Variants in RAPGEF1 observed in about 807,000 individuals in gnomAD.
RAPGEF1 encodes the protein CRK SH3-binding GNRP.
In RAPGEF1, 33 loss-of-function variants were observed where a neutral mutation model predicts 143.3. That is an observed-to-expected ratio of 0.23 (90% CI 0.17 to 0.31). The LOEUF (loss-of-function observed/expected upper bound fraction) is 0.31, where lower values mean the gene tolerates loss of function less well. RAPGEF1 is among the 10% of genes least tolerant of loss of function. The pLI, the probability that RAPGEF1 is intolerant of heterozygous loss-of-function variation, is 1.00. For missense variants in RAPGEF1, 1,199 were observed against 1,645.4 expected (o/e 0.73, Z 4.69); for synonymous variants, 629 against 676.5 (o/e 0.93, Z 1.09).
intron 1 of RAPGEF1, among the ~76,000 whole-genome samples, chr9:131,680,567 CGAACAATAGCA>C (rs1398447914): frequency 6.6e-6 from 1 of 152,228 alleles, no homozygotes; most frequent in African/African-American, 2.4e-5. Context: ...TCTTAAGCCA[CGAACAATAGCA>C]TGAGAGATCT....
chr9:131,591,112 G>A (rs1213292535), intron 18 of RAPGEF1, among the ~76,000 whole-genome samples: 6 of 152,274 alleles, frequency 3.9e-5, no homozygotes, highest in Admixed American at 3.9e-4. Context: ...AGTCAGGCCT[G>A]TGAGCAGGTG....
intron 16 of RAPGEF1, among the ~76,000 whole-genome samples, chr9:131,597,495 G>A (rs1472498572): frequency 1.3e-5 from 2 of 152,210 alleles, no homozygotes; most frequent in African/African-American, 2.4e-5. Flanking sequence ...TTTTGTCCAT[G>A]TGTCATCAAA....
At position 131,626,040 on chromosome 9, in the gene RAPGEF1, C is replaced by A. The variant is rs200917154; in HGVS notation, c.1584G>T (p.Leu528=). The A allele has an allele frequency of 4.3e-6, 7 of 1,613,052 alleles. No individual in the cohort carries two copies. The highest frequency in any genetic ancestry group is 2.2e-5 in the East Asian group (1 of 44,858). Residue 528 remains leucine, a synonymous_variant, in exon 10 of 27, where the codon CTG becomes CTT. Coordinates refer to ENST00000683357, the MANE Select transcript of RAPGEF1 (RefSeq NM_001377935.1). Reference sequence around the variant, plus strand: ...CTGAGGAACCTCCATGCTGAAAGGGCAGAATAGCAGCAAAGGGCGCGTAGG... The same window carrying A: ...CTGAGGAACCTCCATGCTGAAAGGGAAGAATAGCAGCAAAGGGCGCGTAGG... The part of the protein sequence containing the change: ...SVPYAPFAAI[L]PFQHGGSSAP...
chr9:131,584,324 T>C lies in RAPGEF1; in HGVS notation c.3401A>G (p.Lys1134Arg). 6.2e-7 allele frequency: 1 copy of C among 1,612,104 alleles called. No individual in the cohort carries two copies. Among genetic ancestry groups the C allele is most frequent in the South Asian group, 1.1e-5 (1 of 90,762 alleles). The stretch of plus-strand genomic sequence containing the variant: ...AAGGCCACTCACCTCTGAAGTCTGC[T>C]TCTGCCACTCCAGCCTGCGGATGGG... ...SAPIRRLEWQKQTSEGLAEYC... is the reference protein window; with the variant it reads ...SAPIRRLEWQRQTSEGLAEYC... Residue 1134 changes from lysine (K) to arginine (R), a missense_variant, in exon 24 of 27, where the codon AAG becomes AGG. By Grantham distance (26) the Lys-to-Arg change is conservative. Around this residue, in one of 6 missense-constraint regions of RAPGEF1, gnomAD observed 209 missense variants for 403.0 expected, o/e 0.52. Coordinates refer to ENST00000683357, the MANE Select transcript of RAPGEF1 (RefSeq NM_001377935.1). The surrounding 1 kb of genome is among the most constrained non-coding windows in gnomAD (Gnocchi z 6.8).
chr9:131,706,474 G>C (rs1835070878), intron 1 of RAPGEF1, among the ~76,000 whole-genome samples: 1 of 151,886 alleles, frequency 6.6e-6, no homozygotes, highest in Non-Finnish European at 1.5e-5. Flanking sequence ...ATGCTGCCCA[G>C]GTTGGTCTTG....
In RAPGEF1 at chr9:131,579,560, C is replaced by T. The variant is rs376615770; in HGVS notation, c.3729G>A (p.Leu1243=). The T allele has an allele frequency of 6.2e-7, 1 of 1,613,926 alleles. No individual in the cohort carries two copies. Among genetic ancestry groups the T allele is most frequent in the Admixed American group, 1.7e-5 (1 of 60,008 alleles). Residue 1243 remains leucine, a synonymous_variant, in exon 27 of 27, where the codon CTG becomes CTA. Coordinates refer to ENST00000683357, the MANE Select transcript of RAPGEF1 (RefSeq NM_001377935.1). ...TGTTCCTGGGTTTAATTTTCAGAGA[C>T]AGTTCCCATAGGGCCTCCTCAGCCA... ...DHLAEEALWE[L]SLKIKPRNIT...
rs1360038387 is a variant in RAPGEF1 at position 131,605,863 on chromosome 9, C to T, written c.2062-675G>A. On this transcript the variant is annotated intron_variant, in intron 12 of 26. Coordinates refer to ENST00000683357, the MANE Select transcript of RAPGEF1 (RefSeq NM_001377935.1). ...CCAAGGCAGGTGGATTGCTTGAGCC[C>T]AGGAGTTTGAGGCCAGCCTGGGCAA... 4.0e-5 allele frequency among the ~76,000 whole-genome samples: 6 copies of T among 151,596 alleles called. No homozygotes were observed. In the East Asian group the frequency reaches 9.6e-4, roughly 24 times the overall value.
At chr9:131,703,382 A>G (rs1834810442) in intron 1 of RAPGEF1, among the ~76,000 whole-genome samples, 1 of 152,178 alleles carries the variant, frequency 6.6e-6, no homozygotes, top group African/African-American at 2.4e-5. Context: ...TTTCTTTAAT[A>G]ATGTAACATC....
At chr9:131,705,727 A>T (rs528178257) in intron 1 of RAPGEF1, among the ~76,000 whole-genome samples, 51 of 152,330 alleles carry the variant, frequency 3.3e-4, no homozygotes, top group Admixed American at 2.3e-3. Context: ...TAAGTCAGAC[A>T]GTATAATGGT....
chr9:131,649,599 G>C lies in RAPGEF1; in HGVS notation c.315+530C>G, dbSNP rs55739432. ...TTTCACACATCAGGGTTGCTATGAA[G>C]ACAAGTAAGAGGACACATGTAAAGC... On this transcript the variant is annotated intron_variant, in intron 3 of 26. Coordinates refer to ENST00000683357, the MANE Select transcript of RAPGEF1 (RefSeq NM_001377935.1). Among the ~76,000 whole-genome samples, 529 of 152,216 alleles carry C rather than the reference G, an allele frequency of 3.5e-3. 1 individual carries two copies. Among genetic ancestry groups the C allele is most frequent in the African/African-American group, 0.012 (510 of 41,518 alleles).
In RAPGEF1 at chr9:131,639,593, A is replaced by G. The variant is rs535374043; in HGVS notation, c.495-802T>C. Among the ~76,000 whole-genome samples the G allele has an allele frequency of 7.2e-5, 11 of 152,282 alleles. No individual in the cohort carries two copies. In the South Asian group the frequency reaches 2.1e-3, roughly 29 times the overall value. Reference sequence around the variant, plus strand: ...TTTTACATCTTTCACGTATTTTTAAATAACTAAAGATAATTTTCCCTAGGA... The same window carrying G: ...TTTTACATCTTTCACGTATTTTTAAGTAACTAAAGATAATTTTCCCTAGGA... On this transcript the variant is annotated intron_variant, in intron 4 of 26. Transcript: ENST00000683357.
intron 1 of RAPGEF1, among the ~76,000 whole-genome samples, chr9:131,708,459 T>C (rs1166129356): frequency 6.6e-6 from 1 of 152,204 alleles, no homozygotes; most frequent in Non-Finnish European, 1.5e-5. Flanking sequence ...ACCACTGCAC[T>C]GCTCTGTGGC....
At chr9:131,660,140 C>T (rs1973634633) in intron 1 of RAPGEF1, among the ~76,000 whole-genome samples, 1 of 152,170 alleles carries the variant, frequency 6.6e-6, no homozygotes, top group Non-Finnish European at 1.5e-5. Context: ...TTTCTAACAA[C>T]TTTAACATGG....
chr9:131,679,415 A>C (rs1347282499), intron 1 of RAPGEF1, among the ~76,000 whole-genome samples: 2 of 152,212 alleles, frequency 1.3e-5, no homozygotes, highest in African/African-American at 2.4e-5. Context: ...CCTGATGGGA[A>C]GAAAAAGGGA....
chr9:131,585,683 T>A lies in RAPGEF1; in HGVS notation c.3234-1087A>T, dbSNP rs940661164. On this transcript the variant is annotated intron_variant, in intron 22 of 26. Transcript: ENST00000683357. The stretch of plus-strand genomic sequence containing the variant: ...TGGAGTGCTTCTGTGGGGAGGAAGA[T>A]AGGCAAACGGGAGATGATCTCGGGG... Among the ~76,000 whole-genome samples the A allele has an allele frequency of 3.3e-5, 5 of 151,896 alleles. No individual in the cohort carries two copies. The East Asian group carries it at 9.7e-4, about 30-fold the overall frequency.
chr9:131,579,299 G>C lies in RAPGEF1; in HGVS notation c.*198C>G. On this transcript the variant is annotated 3_prime_UTR_variant, in exon 27 of 27. Coordinates refer to ENST00000683357, the MANE Select transcript of RAPGEF1 (RefSeq NM_001377935.1). ...GCCTGCTGGCTGCCCTGAGGCCCAC[G>C]GGTCTGCTCCCACAGAGGAAGGAGG... The C allele has an allele frequency of 1.5e-6, 1 of 676,732 alleles. No homozygotes were observed. Among genetic ancestry groups the C allele is most frequent in the South Asian group, 2.0e-5 (1 of 49,486 alleles). The allele number at this position is 676,732 out of a possible 1,614,324, so 41.9% of individuals were successfully genotyped here. A position where few individuals can be genotyped will look rare whatever the true frequency, so the allele number is the denominator to read the frequency against.
intron 20 of RAPGEF1, 95 bp downstream of exon 20, chr9:131,588,706 C>G: frequency 1.5e-6 from 2 of 1,322,682 alleles, no homozygotes; most frequent in Admixed American, 5.0e-5. Flanking sequence ...TGTGCAGAAC[C>G]AGGATGGGGC....
In RAPGEF1 at chr9:131,637,950, A is replaced by C. The variant is rs573140840; in HGVS notation, c.651+685T>G. Among the ~76,000 whole-genome samples, 106 of 152,324 alleles carry C rather than the reference A, an allele frequency of 7.0e-4. 2 individuals are homozygous for C. The South Asian group carries it at 0.022, about 31-fold the overall frequency. On this transcript the variant is annotated intron_variant, in intron 5 of 26. Transcript: ENST00000683357. ...ACTACATTATATGGCCTCACACAAC[A>C]GCGGGGTTTCCACTGTCCTGCTGCC... is the stretch of plus-strand genomic sequence containing the variant.
At chr9:131,587,206 C>A (rs368510358) in intron 22 of RAPGEF1, among the ~76,000 whole-genome samples, 1 of 93,000 alleles carries the variant, frequency 1.1e-5, no homozygotes, top group South Asian at 4.1e-4. Context: ...ACCTGCAGAG[C>A]GAGACTCCGT....
Sources: gnomAD v4.1 joint callset for allele counts (sites outside exome capture counted in the v4.1 genomes callset) on GRCh38, gnomAD v4.1.1 for gene constraint, gnomAD v4.1.1 regional missense constraint, Gnocchi (gnomAD v3.1) non-coding constraint, MANE v1.5 for transcripts, NCBI Gene and HGNC (gene_info 2026-07-23, HGNC 2026-07-21) for gene names.